The following DOK6 variants were observed in gnomAD, a reference collection of about 807,000 sequenced individuals.
The protein encoded by DOK6 is downstream of tyrosine kinase 6.
In DOK6, 22 loss-of-function variants were observed where a neutral mutation model predicts 44.0. The ratio of observed to expected loss-of-function variants is 0.50; its 90% CI spans 0.36 to 0.71. The LOEUF (loss-of-function observed/expected upper bound fraction) is 0.71, where lower values mean the gene tolerates loss of function less well. DOK6 is among the 30% of genes least tolerant of loss of function. The pLI is 0.00. For missense variants in DOK6, 340 were observed against 416.4 expected, an observed-to-expected ratio of 0.82 and a Z score of 1.60; for synonymous variants, 166 against 145.5, an observed-to-expected ratio of 1.14 and a Z score of -1.01.
chr18:69,777,257 A>G (rs1980104000), intron 7 of DOK6, among the ~76,000 whole-genome samples: 1 of 152,006 alleles, frequency 6.6e-6, no homozygotes, highest in Non-Finnish European at 1.5e-5. Context: ...AATTATTTTC[A>G]TTAATATTAA....
At chr18:69,636,496 G>A (rs953370368) in intron 3 of DOK6, among the ~76,000 whole-genome samples, 23 of 152,208 alleles carry the variant, frequency 1.5e-4, no homozygotes, top group African/African-American at 5.5e-4. Flanking sequence ...CTCACAAATA[G>A]TTAACAAGGT....
At chr18:69,511,608 A>G (rs17081096) in intron 1 of DOK6, among the ~76,000 whole-genome samples, 8,546 of 152,296 alleles carry the variant, frequency 0.056, 276 homozygotes, top group Admixed American at 0.1. Context: ...GTAGCAATAA[A>G]TAGGATTAGG....
intron 7 of DOK6, among the ~76,000 whole-genome samples, chr18:69,781,577 T>C (rs1173400757): frequency 6.6e-6 from 1 of 152,182 alleles, no homozygotes; most frequent in African/African-American, 2.4e-5. Flanking sequence ...TTACTAACCG[T>C]TTCTGCATGG....
At chr18:69,538,737 C>T (rs1982188264) in intron 1 of DOK6, among the ~76,000 whole-genome samples, 1 of 152,086 alleles carries the variant, frequency 6.6e-6, no homozygotes, top group Admixed American at 6.6e-5. Context: ...AGGATATTTC[C>T]TCTCTAGTTA....
At chr18:69,522,424 C>G (rs946167560) in intron 1 of DOK6, among the ~76,000 whole-genome samples, 2 of 151,944 alleles carry the variant, frequency 1.3e-5, no homozygotes, top group Non-Finnish European at 2.9e-5. Context: ...AGATTATAGA[C>G]AAAGTACATT....
At chr18:69,414,204 G>A (rs1379552097) in intron 1 of DOK6, among the ~76,000 whole-genome samples, 1 of 151,946 alleles carries the variant, frequency 6.6e-6, no homozygotes, top group African/African-American at 2.4e-5. Context: ...ACCTACATAT[G>A]CAAAAATGAG....
At chr18:69,708,065 GTT>G (rs1986674917) in intron 5 of DOK6, among the ~76,000 whole-genome samples, 1 of 152,124 alleles carries the variant, frequency 6.6e-6, no homozygotes, top group Admixed American at 6.5e-5. Context: ...TGGGCAGAGA[GTT>G]TGTTAAAAGT....
At chr18:69,665,003 C>T (rs1361390853) in intron 3 of DOK6, among the ~76,000 whole-genome samples, 1 of 151,982 alleles carries the variant, frequency 6.6e-6, no homozygotes, top group African/African-American at 2.4e-5. Flanking sequence ...ATGGTGAAAC[C>T]TCCGTCTCTA....
chr18:69,681,048 G>A (rs1399227796), intron 4 of DOK6, among the ~76,000 whole-genome samples: 1 of 152,124 alleles, frequency 6.6e-6, no homozygotes, highest in African/African-American at 2.4e-5. Context: ...TTTTATCAAA[G>A]AATTAGCACG....
At chr18:69,543,114 G>A (rs1982312711) in intron 1 of DOK6, among the ~76,000 whole-genome samples, 1 of 151,272 alleles carries the variant, frequency 6.6e-6, no homozygotes, top group Admixed American at 6.6e-5. Flanking sequence ...AGATTCCTTA[G>A]GTCTTAGAAG....
At chr18:69,659,058 C>T (rs1242861598) in intron 3 of DOK6, among the ~76,000 whole-genome samples, 1 of 152,202 alleles carries the variant, frequency 6.6e-6, no homozygotes, top group Non-Finnish European at 1.5e-5. Context: ...CCTTAACACC[C>T]TGAAATCAAA....
chr18:69,613,425 A>G (rs560335734), intron 3 of DOK6, among the ~76,000 whole-genome samples: 1 of 152,326 alleles, frequency 6.6e-6, no homozygotes, highest in African/African-American at 2.4e-5. Context: ...GGCAATGGCT[A>G]GTAAATGAAA....
chr18:69,522,224 CCA>C (rs927762887), intron 1 of DOK6, among the ~76,000 whole-genome samples: 2 of 151,098 alleles, frequency 1.3e-5, no homozygotes, highest in African/African-American at 4.9e-5. Context: ...ACACACACAC[CCA>C]CACACATACA....
intron 1 of DOK6, among the ~76,000 whole-genome samples, chr18:69,505,384 C>A (rs1981153514): frequency 6.6e-6 from 1 of 151,892 alleles, no homozygotes; most frequent in Non-Finnish European, 1.5e-5. Context: ...ACTGTAGAAG[C>A]CTTAAAGTTT....
At chr18:69,698,343 A>C in intron 4 of DOK6, 61 bp from the exon 5 acceptor site, 1 of 1,440,986 alleles carries the variant, frequency 6.9e-7, no homozygotes, top group Non-Finnish European at 9.4e-7. Context: ...TTAATATCGT[A>C]TGGCCATAGA....
At chr18:69,425,624 G>GAA (rs1040359584) in intron 1 of DOK6, among the ~76,000 whole-genome samples, 11 of 151,248 alleles carry the variant, frequency 7.3e-5, no homozygotes, top group African/African-American at 2.7e-4. Flanking sequence ...TTAATTTTTA[G>GAA]AAAATAATTT....
rs146756065 is a variant in DOK6 at position 69,595,815 on chromosome 18, C to T, written c.175-3569C>T. Reference sequence around the variant, plus strand: ...TTTTAATCCATGCGTAGTTTTTTCACTATAAGCATTTTCTATGAACCTTTC... The same window carrying T: ...TTTTAATCCATGCGTAGTTTTTTCATTATAAGCATTTTCTATGAACCTTTC... On this transcript the variant is annotated intron_variant, in intron 2 of 7. Transcript: ENST00000382713. 2.6e-5 allele frequency among the ~76,000 whole-genome samples: 4 copies of T among 152,186 alleles called. No individual in the cohort carries two copies. The East Asian group carries it at 5.8e-4, about 22-fold the overall frequency.
At chr18:69,457,160 C>G (rs1979654296) in intron 1 of DOK6, among the ~76,000 whole-genome samples, 1 of 152,022 alleles carries the variant, frequency 6.6e-6, no homozygotes, top group African/African-American at 2.4e-5. Flanking sequence ...TAATTAGGTC[C>G]TACTTGTCAA....
At chr18:69,571,050 T>C (rs1983103694) in intron 2 of DOK6, among the ~76,000 whole-genome samples, 1 of 152,014 alleles carries the variant, frequency 6.6e-6, no homozygotes, top group East Asian at 1.9e-4. Context: ...ACATGATTTA[T>C]AATGTATGAA....
Sources: allele counts gnomAD v4.1 joint callset (sites outside exome capture counted in the v4.1 genomes callset), GRCh38; gene constraint gnomAD v4.1.1; transcripts MANE v1.5; gene names NCBI Gene and HGNC (gene_info 2026-07-23, HGNC 2026-07-21).